RXRA: variants seen among roughly 807,000 people sequenced by gnomAD.
RXRA encodes the protein retinoid X receptor alpha, also known as retinoic acid receptor RXR-alpha.
RXRA carries 5 observed loss-of-function variants against 44.5 expected under a neutral mutation model. The observed-to-expected ratio is 0.11, with a 90% CI of 0.06 to 0.24. The LOEUF (loss-of-function observed/expected upper bound fraction) is 0.24, where lower values mean the gene tolerates loss of function less well. RXRA is among the 10% of genes least tolerant of loss of function. The pLI is 1.00. For synonymous variants in RXRA, 291 were observed against 271.4 expected, an observed-to-expected ratio of 1.07 and a Z score of -0.71; for missense variants, 412 against 646.5, an observed-to-expected ratio of 0.64 and a Z score of 3.93.
chr9:134,326,669 C>T lies in RXRA; in HGVS notation c.28+10C>T, dbSNP rs1480569130. On this transcript the variant is annotated intron_variant, in intron 1 of 9. Coordinates refer to ENST00000481739, the MANE Select transcript of RXRA (RefSeq NM_002957.6). ...CATTTCCTGCCGCTCGGTGAGTGCT[C>T]GCCGGGCCGGGCGGGGACGGGGCCG... 28 of 936,062 alleles carry T rather than the reference C, an allele frequency of 3.0e-5. No individual in the cohort carries two copies. Among genetic ancestry groups the T allele is most frequent in the Non-Finnish European group, 3.0e-5 (24 of 790,848 alleles). 58.0% of individuals were successfully genotyped at this position (936,062 alleles called of 1,614,324 possible).
intron 1 of RXRA, among the ~76,000 whole-genome samples, chr9:134,351,373 G>C (rs567884350): frequency 6.6e-6 from 1 of 152,276 alleles, no homozygotes; most frequent in Non-Finnish European, 1.5e-5. Context: ...TGGTGGTCCC[G>C]GGCCCGGCAG....
chr9:134,366,911 C>G lies in RXRA; in HGVS notation c.29-34721C>G, dbSNP rs1830421387. Among the ~76,000 whole-genome samples the G allele has an allele frequency of 6.6e-6, 1 of 152,152 alleles. No individual in the cohort carries two copies. The highest frequency in any genetic ancestry group is 2.4e-5 in the African/African-American group (1 of 41,428). ...CAGGCAGGCTGAGTCGGAGATGTCC[C>G]TCAGGCTCCTGCTGGGAGAAGGGGC... On this transcript the variant is annotated intron_variant, in intron 1 of 9. Coordinates refer to ENST00000481739, the MANE Select transcript of RXRA (RefSeq NM_002957.6). The surrounding 1 kb of genome is among the most constrained non-coding windows in gnomAD (Gnocchi z 5.9).
intron 1 of RXRA, among the ~76,000 whole-genome samples, chr9:134,328,842 C>T (rs1834956422): frequency 6.6e-6 from 1 of 152,158 alleles, no homozygotes; most frequent in African/African-American, 2.4e-5. Flanking sequence ...CTCCTCCCAG[C>T]ATTCACTACC....
At chr9:134,356,932 C>T (rs1047716759) in intron 1 of RXRA, among the ~76,000 whole-genome samples, 1 of 152,240 alleles carries the variant, frequency 6.6e-6, no homozygotes, top group Admixed American at 6.5e-5. Flanking sequence ...CTCCCAGCCT[C>T]AGCAGCCCTG....
chr9:134,366,014 G>A lies in RXRA; in HGVS notation c.29-35618G>A, dbSNP rs1263535889. Among the ~76,000 whole-genome samples the A allele has an allele frequency of 6.6e-5, 10 of 152,076 alleles. No individual in the cohort carries two copies. The highest frequency in any genetic ancestry group is 4.1e-4 in the South Asian group (2 of 4,824). ...GCAGGAGCCGCGGGGATCATCTGGC[G>A]GCTGCCTCCACCCCTGCCTCCACCC... is the stretch of plus-strand genomic sequence containing the variant. On this transcript the variant is annotated intron_variant, in intron 1 of 9. Transcript: ENST00000481739. The surrounding 1 kb of genome is among the most constrained non-coding windows in gnomAD (Gnocchi z 5.9).
At position 134,426,418 on chromosome 9, in the gene RXRA, G is replaced by T. The variant is rs1831435463; in HGVS notation, c.911-2690G>T. 1.2e-5 allele frequency: 12 copies of T among 985,462 alleles called. No individual in the cohort carries two copies. Among genetic ancestry groups the T allele is most frequent in the Non-Finnish European group, 1.4e-5 (12 of 829,940 alleles). 61.0% of individuals were successfully genotyped at this position (985,462 alleles called of 1,614,324 possible). On this transcript the variant is annotated intron_variant, in intron 6 of 9. Coordinates refer to ENST00000481739, the MANE Select transcript of RXRA (RefSeq NM_002957.6). The surrounding 1 kb of genome is among the most constrained non-coding windows in gnomAD (Gnocchi z 4.6). ...GGAGGGCAGCTTACAAAGGTGTGTG[G>T]GGCAGGAGAGGAGAAATAACCGAGT...
At chr9:134,377,346 C>T (rs1187225548) in intron 1 of RXRA, among the ~76,000 whole-genome samples, 1 of 152,208 alleles carries the variant, frequency 6.6e-6, no homozygotes, top group Non-Finnish European at 1.5e-5. Flanking sequence ...CACTGCCTGA[C>T]CAAGGGCAGG....
At chr9:134,423,162 C>T (rs990360640) in intron 6 of RXRA, 39 of 985,264 alleles carry the variant, frequency 4.0e-5, no homozygotes, top group Middle Eastern at 5.2e-4. Flanking sequence ...TGGTTCTTGC[C>T]GAGTCAGCCG....
rs754727546 is a variant in RXRA at position 134,421,839 on chromosome 9, C to G, written c.910+34C>G. Reference sequence around the variant, plus strand: ...CGAGGCCTAGGTGGGGATGGGGATGCCATGCAGATGGGACACGTACCAGGA... The same window carrying G: ...CGAGGCCTAGGTGGGGATGGGGATGGCATGCAGATGGGACACGTACCAGGA... On this transcript the variant is annotated intron_variant, in intron 6 of 9. Coordinates refer to ENST00000481739, the MANE Select transcript of RXRA (RefSeq NM_002957.6). 3 of 1,609,862 alleles carry G rather than the reference C, an allele frequency of 1.9e-6. No individual in the cohort carries two copies. In the South Asian group the frequency reaches 3.3e-5, roughly 18 times the overall value.
intron 6 of RXRA, chr9:134,424,339 C>T (rs1222565250): frequency 1.0e-6 from 1 of 985,384 alleles, no homozygotes; most frequent in Non-Finnish European, 1.2e-6. Flanking sequence ...TGCTCCTGCC[C>T]AGCGGCTCTT....
chr9:134,408,667 C>T (rs377420702), intron 3 of RXRA, among the ~76,000 whole-genome samples: 3 of 152,348 alleles, frequency 2.0e-5, no homozygotes, highest in African/African-American at 4.8e-5. Flanking sequence ...GAGGGAAGAA[C>T]GGGCTGCACA....
intron 1 of RXRA, chr9:134,374,002 T>G (rs1189093586): frequency 6.6e-6 from 1 of 152,298 alleles, no homozygotes; most frequent in Non-Finnish European, 1.5e-5. Context: ...TCTGCCTGTT[T>G]GTAGCCCTGG....
At chr9:134,412,252 G>A (rs1831161315) in intron 4 of RXRA, among the ~76,000 whole-genome samples, 1 of 152,228 alleles carries the variant, frequency 6.6e-6, no homozygotes, top group Non-Finnish European at 1.5e-5. Context: ...TCTGGGGACT[G>A]AGCCCTCCTA....
At chr9:134,435,996 C>T (rs1286797526) in intron 9 of RXRA, among the ~76,000 whole-genome samples, 5 of 152,198 alleles carry the variant, frequency 3.3e-5, no homozygotes, top group East Asian at 3.8e-4. Context: ...TGCACCACCA[C>T]GCCTTGCTAC....
intron 4 of RXRA, among the ~76,000 whole-genome samples, chr9:134,410,820 A>G (rs1008786539): frequency 6.6e-6 from 1 of 151,962 alleles, no homozygotes. Flanking sequence ...CTTCAGGGAG[A>G]CCCCTGCGAG....
At chr9:134,404,207 C>G (rs1307016435) in intron 2 of RXRA, 7 of 152,288 alleles carry the variant, frequency 4.6e-5, no homozygotes, top group African/African-American at 1.7e-4. Context: ...GGGCCAGGCA[C>G]TCTGCCAAAT....
intron 1 of RXRA, among the ~76,000 whole-genome samples, chr9:134,344,898 G>A (rs1269714116): frequency 2.0e-5 from 3 of 152,210 alleles, no homozygotes; most frequent in East Asian, 1.9e-4. Flanking sequence ...GCCTCTGTGC[G>A]GGCCCTGTGC....
In RXRA at chr9:134,421,821, T is replaced by C; in HGVS notation, c.910+16T>C. 6.2e-7 allele frequency: 1 copy of C among 1,612,232 alleles called. No homozygotes were observed. The stretch of plus-strand genomic sequence containing the variant: ...CTGCGGGCAGGTGAGTGGCGAGGCC[T>C]AGGTGGGGATGGGGATGCCATGCAG... On this transcript the variant is annotated intron_variant, in intron 6 of 9. Coordinates refer to ENST00000481739, the MANE Select transcript of RXRA (RefSeq NM_002957.6).
Position 134,353,036 on chromosome 9 carries a change from G to A in RXRA, c.28+26377G>A, listed in dbSNP as rs530809122. The stretch of plus-strand genomic sequence containing the variant: ...CCCACCACCTGTGCTCTCTGGGCTG[G>A]CCTCTGGGGGTGCAGGCTGGGGGGA... On this transcript the variant is annotated intron_variant, in intron 1 of 9. Transcript: ENST00000481739. Among the ~76,000 whole-genome samples the A allele has an allele frequency of 5.9e-5, 9 of 152,202 alleles. No individual in the cohort carries two copies. In the East Asian group the frequency reaches 1.7e-3, roughly 29 times the overall value.
Sources: gnomAD v4.1 joint callset for allele counts (sites outside exome capture counted in the v4.1 genomes callset) on GRCh38, gnomAD v4.1.1 for gene constraint, Gnocchi (gnomAD v3.1) non-coding constraint, MANE v1.5 for transcripts, NCBI Gene and HGNC (gene_info 2026-07-23, HGNC 2026-07-21) for gene names.